The following ZCWPW2 variants were observed in gnomAD, a reference collection of about 807,000 sequenced individuals.
ZCWPW2 encodes zinc finger CW-type and PWWP domain containing 2.
In ZCWPW2, 45 loss-of-function variants were observed where a neutral mutation model predicts 46.6. The ratio of observed to expected loss-of-function variants is 0.96; its 90% CI spans 0.76 to 1.24. The LOEUF (loss-of-function observed/expected upper bound fraction) is 1.24, where lower values mean the gene tolerates loss of function less well. Among genes scored for constraint, ZCWPW2 ranks in the 50% most tolerant of loss-of-function variants. ZCWPW2 has a pLI of 0.00. For synonymous variants in ZCWPW2, 152 were observed against 137.1 expected (o/e 1.11, Z -0.76); for missense variants, 429 against 403.9 (o/e 1.06, Z -0.53).
intron 9 of ZCWPW2, among the ~76,000 whole-genome samples, chr3:28,522,060 A>G (rs1311020340): frequency 6.6e-6 from 1 of 152,146 alleles, no homozygotes; most frequent in East Asian, 1.9e-4. Context: ...TGGGAATTGA[A>G]CAATGAGAAC....
chr3:28,407,309 A>G (rs1408748889), intron 2 of ZCWPW2, among the ~76,000 whole-genome samples: 1 of 152,140 alleles, frequency 6.6e-6, no homozygotes, highest in African/African-American at 2.4e-5. Context: ...ACTGTATTAC[A>G]TTTATCAAGT....
At chr3:28,512,614 C>G (rs1453193096) in intron 6 of ZCWPW2, among the ~76,000 whole-genome samples, 1 of 145,042 alleles carries the variant, frequency 6.9e-6, no homozygotes, top group East Asian at 2.0e-4. Flanking sequence ...TGATTCTTAG[C>G]TACTTTTCCA....
chr3:28,400,965 G>A (rs1035599052), intron 2 of ZCWPW2, among the ~76,000 whole-genome samples: 1 of 152,070 alleles, frequency 6.6e-6, no homozygotes, highest in Non-Finnish European at 1.5e-5. Context: ...GGATCACGAG[G>A]TCAGGAGATC....
chr3:28,510,257 C>CT (rs1223566480), intron 6 of ZCWPW2, among the ~76,000 whole-genome samples: 1 of 152,140 alleles, frequency 6.6e-6, no homozygotes, highest in Non-Finnish European at 1.5e-5. Flanking sequence ...CTTCTTTTAG[C>CT]TACACCCTTT....
chr3:28,520,724 A>G (rs1444917726), intron 8 of ZCWPW2, among the ~76,000 whole-genome samples: 1 of 152,204 alleles, frequency 6.6e-6, no homozygotes, highest in East Asian at 1.9e-4. Context: ...AAAAATTCTA[A>G]TAAGCTTTTG....
At chr3:28,477,032 G>C (rs1203759144) in intron 4 of ZCWPW2, among the ~76,000 whole-genome samples, 1 of 151,928 alleles carries the variant, frequency 6.6e-6, no homozygotes, top group Non-Finnish European at 1.5e-5. Context: ...CCTGCTTTAG[G>C]GAATATTATA....
chr3:28,357,773 CATATA>C (rs752893766), intron 1 of ZCWPW2, among the ~76,000 whole-genome samples: 5 of 146,406 alleles, frequency 3.4e-5, no homozygotes, highest in Non-Finnish European at 7.4e-5. Context: ...ATTATATATA[CATATA>C]ATATATAGTT....
chr3:28,477,460 A>G (rs1699273045), intron 4 of ZCWPW2, among the ~76,000 whole-genome samples: 1 of 152,210 alleles, frequency 6.6e-6, no homozygotes, highest in Non-Finnish European at 1.5e-5. Flanking sequence ...GGATGCAAAG[A>G]TAAAATATTA....
At chr3:28,523,363 G>C (rs960566798) in intron 9 of ZCWPW2, among the ~76,000 whole-genome samples, 3 of 151,994 alleles carry the variant, frequency 2.0e-5, no homozygotes, top group African/African-American at 7.2e-5. Flanking sequence ...AGAAATTTCA[G>C]TTTAAAAGTA....
chr3:28,489,365 A>G (rs1177837121), intron 5 of ZCWPW2, among the ~76,000 whole-genome samples: 1 of 152,090 alleles, frequency 6.6e-6, no homozygotes, highest in African/African-American at 2.4e-5. Flanking sequence ...AACTTATTCC[A>G]TCTTGTAATT....
intron 4 of ZCWPW2, among the ~76,000 whole-genome samples, chr3:28,445,048 C>G (rs1697931166): frequency 6.6e-6 from 1 of 151,946 alleles, no homozygotes. Context: ...AACCCCCAAA[C>G]CAACAAAAGA....
rs1295958803 is a variant in ZCWPW2, at chr3:28,367,130, G to A, written c.-134+17927G>A. Among the ~76,000 whole-genome samples, 5 of 152,088 alleles carry A rather than the reference G, an allele frequency of 3.3e-5. No individual in the cohort carries two copies. In the East Asian group the frequency reaches 9.7e-4, roughly 29 times the overall value. On this transcript the variant is annotated intron_variant, in intron 1 of 9. Transcript: ENST00000383768. ...TCATTGATTTTTTGAAGGGTTTTTT[G>A]TGTCTCTCTTTCCTTCAGTTCTGCT...
At chr3:28,495,430 A>T (rs543223785) in intron 6 of ZCWPW2, among the ~76,000 whole-genome samples, 1 of 152,110 alleles carries the variant, frequency 6.6e-6, no homozygotes, top group Non-Finnish European at 1.5e-5. Flanking sequence ...GACTATAAAG[A>T]TAGTAACTAG....
chr3:28,352,474 G>A (rs933007882), intron 1 of ZCWPW2, among the ~76,000 whole-genome samples: 1 of 151,850 alleles, frequency 6.6e-6, no homozygotes, highest in African/African-American at 2.4e-5. Context: ...ACAAATATGG[G>A]GATACCTTAT....
At chr3:28,411,009 A>G (rs1259901692) in intron 2 of ZCWPW2, among the ~76,000 whole-genome samples, 2 of 151,950 alleles carry the variant, frequency 1.3e-5, no homozygotes, top group African/African-American at 4.8e-5. Context: ...AAAATGGGGG[A>G]ACATTTTTTA....
chr3:28,390,333 T>C (rs930812674), intron 1 of ZCWPW2, among the ~76,000 whole-genome samples, 165 bp from the exon 2 acceptor site: 2 of 152,234 alleles, frequency 1.3e-5, no homozygotes, highest in Non-Finnish European at 2.9e-5. Context: ...TATGAGTATG[T>C]CTTAAAAGTA....
intron 4 of ZCWPW2, among the ~76,000 whole-genome samples, chr3:28,439,026 A>G (rs1273555129): frequency 3.0e-5 from 1 of 33,852 alleles, no homozygotes; most frequent in Non-Finnish European, 5.5e-5. Flanking sequence ...AATAGTATAT[A>G]TATATCCTAG....
chr3:28,377,129 C>T (rs1297431960), intron 1 of ZCWPW2, among the ~76,000 whole-genome samples: 1 of 149,824 alleles, frequency 6.7e-6, no homozygotes, highest in African/African-American at 2.5e-5. Context: ...TGTTTTGTTT[C>T]TTTCCAGAGA....
intron 8 of ZCWPW2, 75 bp from the exon 9 acceptor site, chr3:28,520,917 G>C (rs568419281): frequency 6.5e-7 from 1 of 1,541,264 alleles, no homozygotes; most frequent in South Asian, 1.2e-5. Context: ...TCTTCTTTCT[G>C]GGTAGTTAAG....
Sources: gnomAD v4.1 joint callset for allele counts (sites outside exome capture counted in the v4.1 genomes callset) on GRCh38, gnomAD v4.1.1 for gene constraint, MANE v1.5 for transcripts, NCBI Gene and HGNC (gene_info 2026-07-23, HGNC 2026-07-21) for gene names.